Variants in SPATA16 observed in about 807,000 individuals in gnomAD.
SPATA16 encodes the protein spermatogenesis associated 16.
In SPATA16, 36 loss-of-function variants were observed where a neutral mutation model predicts 63.3. The ratio of observed to expected loss-of-function variants is 0.57; its 90% CI spans 0.44 to 0.75. The LOEUF (loss-of-function observed/expected upper bound fraction) is 0.75, where lower values mean the gene tolerates loss of function less well. Among genes scored for constraint, SPATA16 ranks in the 30% least tolerant of loss-of-function variants. SPATA16 has a pLI of 0.00. For missense variants in SPATA16, 646 were observed against 679.3 expected (o/e 0.95, Z 0.54); for synonymous variants, 203 against 216.7 (o/e 0.94, Z 0.56).
At chr3:173,121,880 AC>A (rs1424684113) in intron 1 of SPATA16, among the ~76,000 whole-genome samples, 3 of 152,204 alleles carry the variant, frequency 2.0e-5, no homozygotes, top group Non-Finnish European at 4.4e-5. Context: ...TGAATCGTGT[AC>A]CAACTAGATT....
At chr3:172,982,654 A>C (rs560176782) in intron 4 of SPATA16, among the ~76,000 whole-genome samples, 1 of 152,340 alleles carries the variant, frequency 6.6e-6, no homozygotes, top group African/African-American at 2.4e-5. Flanking sequence ...TGGCAAATGC[A>C]CAATAAAATA....
At position 173,094,117 on chromosome 3, in the gene SPATA16, T is replaced by C. The variant is rs537901171; in HGVS notation, c.612+23003A>G. ...TGTATAGTAACACACCACAAGTACCTTCTGAAAAATAATTAAAAGTGCAAT... is the reference window on the plus strand; with the variant it reads ...TGTATAGTAACACACCACAAGTACCCTCTGAAAAATAATTAAAAGTGCAAT... On this transcript the variant is annotated intron_variant, in intron 2 of 10. Coordinates refer to ENST00000351008, the MANE Select transcript of SPATA16 (RefSeq NM_031955.6). Among the ~76,000 whole-genome samples the C allele has an allele frequency of 2.3e-4, 35 of 152,140 alleles. 1 individual carries two copies. The South Asian group carries it at 6.8e-3, about 30-fold the overall frequency.
intron 4 of SPATA16, among the ~76,000 whole-genome samples, chr3:172,983,658 G>T (rs1386357860): frequency 6.6e-6 from 1 of 151,588 alleles, no homozygotes; most frequent in African/African-American, 2.4e-5. Context: ...TTTTTCTTTT[G>T]ACTATAAATA....
At chr3:173,090,494 C>T (rs193237125) in intron 2 of SPATA16, among the ~76,000 whole-genome samples, 100 of 152,242 alleles carry the variant, frequency 6.6e-4, no homozygotes, top group Admixed American at 6.2e-3. Context: ...ATGAGTTTGG[C>T]GCTTCCACAA....
At chr3:173,070,097 A>G (rs1406432824) in intron 2 of SPATA16, among the ~76,000 whole-genome samples, 2 of 152,110 alleles carry the variant, frequency 1.3e-5, no homozygotes, top group Non-Finnish European at 2.9e-5. Flanking sequence ...GAAACATGAC[A>G]AAGTTACCCA....
chr3:173,018,592 T>C (rs181066736), intron 4 of SPATA16, among the ~76,000 whole-genome samples: 96 of 152,282 alleles, frequency 6.3e-4, no homozygotes, highest in Middle Eastern at 3.4e-3. Context: ...CATTTTATTA[T>C]ACACTCAAAC....
At chr3:172,964,332 G>A (rs1471538843) in intron 5 of SPATA16, among the ~76,000 whole-genome samples, 2 of 152,168 alleles carry the variant, frequency 1.3e-5, no homozygotes, top group Non-Finnish European at 2.9e-5. Context: ...CTTAAAGTAT[G>A]TTCTTGTTCT....
At chr3:173,116,937 A>G (rs1429603956) in intron 2 of SPATA16, among the ~76,000 whole-genome samples, 183 bp downstream of exon 2, 1 of 152,208 alleles carries the variant, frequency 6.6e-6, no homozygotes, top group African/African-American at 2.4e-5. Flanking sequence ...AGGCATATTA[A>G]TTTGCAGGCA....
At chr3:172,925,568 C>A in intron 6 of SPATA16, 76 bp from the exon 7 acceptor site, 1 of 1,582,756 alleles carries the variant, frequency 6.3e-7, no homozygotes, top group Non-Finnish European at 8.7e-7. Flanking sequence ...CCCCAGATTT[C>A]AGGAATTGTA....
intron 1 of SPATA16, among the ~76,000 whole-genome samples, chr3:173,126,399 C>T (rs1738228865): frequency 6.6e-6 from 1 of 152,158 alleles, no homozygotes; most frequent in Admixed American, 6.5e-5. Context: ...GGCTACATTT[C>T]CTCTTAAAAC....
intron 4 of SPATA16, among the ~76,000 whole-genome samples, chr3:173,013,474 T>C (rs186478086): frequency 2.0e-5 from 3 of 152,186 alleles, no homozygotes; most frequent in African/African-American, 7.2e-5. Context: ...GTCCAAAGAC[T>C]GGGCCCAGAA....
intron 2 of SPATA16, among the ~76,000 whole-genome samples, chr3:173,053,648 T>A (rs1338114114): frequency 2.0e-5 from 3 of 152,150 alleles, no homozygotes; most frequent in Non-Finnish European, 4.4e-5. Flanking sequence ...ATCATCATTA[T>A]CCAGATTAAT....
intron 4 of SPATA16, among the ~76,000 whole-genome samples, chr3:173,010,549 C>T (rs566455235): frequency 6.1e-4 from 93 of 151,566 alleles, no homozygotes; most frequent in Non-Finnish European, 1.2e-3. Flanking sequence ...GGTCCTTACC[C>T]CTGCTGCCCC....
At chr3:172,979,106 G>A (rs756530432) in intron 4 of SPATA16, among the ~76,000 whole-genome samples, 4 of 152,092 alleles carry the variant, frequency 2.6e-5, no homozygotes, top group Non-Finnish European at 4.4e-5. Context: ...GTGTGGCGGC[G>A]GGCGCCTGTA....
chr3:173,083,240 A>G (rs1736966131), intron 2 of SPATA16, among the ~76,000 whole-genome samples: 1 of 152,128 alleles, frequency 6.6e-6, no homozygotes, highest in South Asian at 2.1e-4. Flanking sequence ...GGAAGATTTT[A>G]AAATTTGGCA....
chr3:172,919,156 C>T (rs1378381415), intron 8 of SPATA16, among the ~76,000 whole-genome samples: 2 of 152,168 alleles, frequency 1.3e-5, no homozygotes, highest in Non-Finnish European at 2.9e-5. Flanking sequence ...CGGCTTCATG[C>T]ATGGCAAGAG....
chr3:173,007,299 C>G (rs1024941581), intron 4 of SPATA16, among the ~76,000 whole-genome samples: 1 of 152,048 alleles, frequency 6.6e-6, no homozygotes, highest in East Asian at 1.9e-4. Context: ...ATGGGAAATT[C>G]TGAAGAAGTG....
intron 6 of SPATA16, among the ~76,000 whole-genome samples, chr3:172,936,239 A>C (rs1732989971): frequency 6.6e-6 from 1 of 152,088 alleles, no homozygotes; most frequent in African/African-American, 2.4e-5. Flanking sequence ...AAACCAACCA[A>C]CCTCCAGGGA....
chr3:173,103,836 T>C (rs1292839255), intron 2 of SPATA16, among the ~76,000 whole-genome samples: 1 of 152,236 alleles, frequency 6.6e-6, no homozygotes, highest in African/African-American at 2.4e-5. Context: ...TTCCTGACAA[T>C]GCTTTTTCTT....
Sources: allele counts gnomAD v4.1 joint callset (sites outside exome capture counted in the v4.1 genomes callset), GRCh38; gene constraint gnomAD v4.1.1; transcripts MANE v1.5; gene names NCBI Gene and HGNC (gene_info 2026-07-23, HGNC 2026-07-21).